Variants in SMC3 observed in about 807,000 individuals in gnomAD.
The protein encoded by SMC3 is structural maintenance of chromosomes 3, also known as structural maintenance of chromosomes protein 3.
In SMC3, 20 loss-of-function variants were observed where a neutral mutation model predicts 171.8. That is an observed-to-expected ratio of 0.12 (90% confidence interval 0.08 to 0.17). SMC3 has a LOEUF of 0.17. Ranked by LOEUF, SMC3 falls within the 10% of genes least tolerant of loss-of-function variation. The probability of loss-of-function intolerance (pLI) is 1.00; values close to 1 mark genes in which losing one functional copy is unlikely to be tolerated. For synonymous variants in SMC3, 464 were observed against 451.1 expected (o/e 1.03, Z -0.36); for missense variants, 543 against 1,420.4 (o/e 0.38, Z 9.93).
chr10:110,602,412 T>C (rs1861401083), intron 25 of SMC3, 62 bp from the exon 26 acceptor site: 3 of 1,332,162 alleles, frequency 2.3e-6, no homozygotes, highest in Non-Finnish European at 3.2e-6. Context: ...TTTAAATATT[T>C]TACTTAAGTG....
chr10:110,568,931 TTAC>T lies in SMC3; in HGVS notation c.16-4_16-2del. On this transcript the variant is annotated splice_region_variant and splice_polypyrimidine_tract_variant and intron_variant, in intron 1 of 28. Transcript: ENST00000361804. ...GTGGGTTCTCAAAAATGTTTTTTAT[TTAC>T]TAGGTGATTATCCAGGGTTTTCGAA... 8 of 1,556,996 alleles carry T rather than the reference TTAC, an allele frequency of 5.1e-6. No homozygotes were observed. Among genetic ancestry groups the T allele is most frequent in the Non-Finnish European group, 7.1e-6 (8 of 1,128,204 alleles).
chr10:110,582,355 CTTGTAG>C lies in SMC3; in HGVS notation c.724-199_724-194del, dbSNP rs61351050. Among the ~76,000 whole-genome samples the C allele has an allele frequency of 0.73, 111,071 of 151,168 alleles. 42,038 individuals carry two copies. Among genetic ancestry groups the C allele is most frequent in the Non-Finnish European group, 0.84 (56,909 of 67,646 alleles). The stretch of plus-strand genomic sequence containing the variant: ...GAGAGGAAAGCCATTTTGAAGGCTT[CTTGTAG>C]TTGTAGTATATCCTAAACTACACAT... On this transcript the variant is annotated intron_variant, in intron 9 of 28. Transcript: ENST00000361804.
Position 110,567,769 on chromosome 10 carries a change from G to A in SMC3, c.-48G>A. On this transcript the variant is annotated 5_prime_UTR_variant, in exon 1 of 29. Coordinates refer to ENST00000361804, the MANE Select transcript of SMC3 (RefSeq NM_005445.4). ...GCCTCACCTGACCCTGCGGCCGTGC[G>A]GTTGCTGCTCCGGGGCAGGTCTCCT... The A allele has an allele frequency of 3.1e-6, 5 of 1,612,520 alleles. No individual in the cohort carries two copies. Among genetic ancestry groups the A allele is most frequent in the East Asian group, 2.2e-5 (1 of 44,854 alleles).
At chr10:110,569,623 C>T (rs1036153792) in intron 2 of SMC3, among the ~76,000 whole-genome samples, 4 of 151,730 alleles carry the variant, frequency 2.6e-5, no homozygotes, top group African/African-American at 9.7e-5. Flanking sequence ...CCTAGTATAA[C>T]AACAACGAAA....
chr10:110,582,931 G>GGTT (rs1861054280), intron 10 of SMC3, among the ~76,000 whole-genome samples: 1 of 136,282 alleles, frequency 7.3e-6, no homozygotes, highest in African/African-American at 2.8e-5. Flanking sequence ...GCCTCCTGAA[G>GGTT]TTTTTTTTTT....
At chr10:110,590,821 G>T (rs771544376) in intron 16 of SMC3, among the ~76,000 whole-genome samples, 170 bp from the exon 17 acceptor site, 2 of 152,054 alleles carry the variant, frequency 1.3e-5, no homozygotes, top group Non-Finnish European at 2.9e-5. Context: ...AAAATTATTT[G>T]GATTATATAG....
At chr10:110,575,297 T>G (rs1417827682) in intron 3 of SMC3, 39 bp from the exon 4 acceptor site, 1 of 1,516,974 alleles carries the variant, frequency 6.6e-7, no homozygotes, top group Non-Finnish European at 9.2e-7. Flanking sequence ...TTATAAACAC[T>G]TTTTTAGGGT....
intron 23 of SMC3, 32 bp downstream of exon 23, chr10:110,601,162 A>T (rs370404646): frequency 6.1e-6 from 9 of 1,469,828 alleles, no homozygotes; most frequent in Non-Finnish European, 8.6e-6. Flanking sequence ...TTTTGTTTAT[A>T]TGCATGTTTT....
intron 2 of SMC3, among the ~76,000 whole-genome samples, chr10:110,569,641 TC>T (rs1185173820): frequency 2.0e-5 from 3 of 151,894 alleles, no homozygotes; most frequent in Non-Finnish European, 4.4e-5. Context: ...AAAAAAAAAA[TC>T]CCAGTTGTGG....
chr10:110,576,343 G>A (rs1564788589), intron 4 of SMC3, among the ~76,000 whole-genome samples: 1 of 152,180 alleles, frequency 6.6e-6, no homozygotes, highest in Non-Finnish European at 1.5e-5. Context: ...TGTGAGTTAG[G>A]ATATTTTATT....
intron 13 of SMC3, among the ~76,000 whole-genome samples, chr10:110,585,077 A>AT (rs1431184548): frequency 6.6e-6 from 1 of 151,958 alleles, no homozygotes; most frequent in East Asian, 1.9e-4. Flanking sequence ...CAATGGCGCA[A>AT]TTTCGGCTCA....
chr10:110,581,098 A>C lies in SMC3; in HGVS notation c.547+77A>C, dbSNP rs980885571. On this transcript the variant is annotated intron_variant, in intron 8 of 28. Coordinates refer to ENST00000361804, the MANE Select transcript of SMC3 (RefSeq NM_005445.4). ...GTGACAGAGTGGCTCCATGATGGGA[A>C]TATAGTAGGTGTTTAGTATATGACA... 4 of 814,648 alleles carry C rather than the reference A, an allele frequency of 4.9e-6. No individual in the cohort carries two copies. In the African/African-American group the frequency reaches 6.7e-5, roughly 14 times the overall value. 50.5% of individuals were successfully genotyped at this position (814,648 alleles called of 1,614,324 possible). A position where few individuals can be genotyped will look rare whatever the true frequency, so the allele number is the denominator to read the frequency against.
At chr10:110,587,363 AAAAC>A (rs1292206863) in intron 13 of SMC3, among the ~76,000 whole-genome samples, 8 of 152,178 alleles carry the variant, frequency 5.3e-5, no homozygotes, top group African/African-American at 1.9e-4. Flanking sequence ...CACCTGGAAA[AAAAC>A]AAAGTATGTA....
chr10:110,590,115 T>C, intron 15 of SMC3, 124 bp downstream of exon 15: 1 of 774,994 alleles, frequency 1.3e-6, no homozygotes, highest in Non-Finnish European at 2.2e-6. Context: ...GTCCAAATTA[T>C]CTTCTAAATA....
chr10:110,600,396 T>A (rs771981444), intron 21 of SMC3, 43 bp from the exon 22 acceptor site: 1 of 941,160 alleles, frequency 1.1e-6, no homozygotes, highest in South Asian at 1.3e-5. Flanking sequence ...TTCCTGTGTG[T>A]GAAATGTACA....
chr10:110,599,754 G>A lies in SMC3; in HGVS notation c.2369G>A (p.Ser790Asn). The change falls in exon 21 of 29, where the codon AGT becomes AAT. Residue 790 changes from serine to asparagine, a missense_variant. By Grantham distance (46) the Ser-to-Asn change is conservative. Coordinates refer to ENST00000361804, the MANE Select transcript of SMC3 (RefSeq NM_005445.4). ...GGAACTGATTTGCTTTCTCAACTGA[G>A]TTTGGAAGATCAGAAGAGAGTAGAT... ...ELGTDLLSQL[S>N]LEDQKRVDAL... is the part of the protein sequence containing the mutation. The A allele has an allele frequency of 6.2e-7, 1 of 1,614,106 alleles. No individual in the cohort carries two copies. Among genetic ancestry groups the A allele is most frequent in the Non-Finnish European group, 8.5e-7 (1 of 1,179,998 alleles).
intron 23 of SMC3, 93 bp from the exon 24 acceptor site, chr10:110,601,544 T>C (rs371550379): frequency 3.0e-6 from 4 of 1,349,058 alleles, no homozygotes; most frequent in Non-Finnish European, 1.0e-6. Flanking sequence ...ACCTAAAACC[T>C]ATTTTGGTAG....
At chr10:110,575,612 A>C (rs1176402775) in intron 4 of SMC3, among the ~76,000 whole-genome samples, 2 of 152,236 alleles carry the variant, frequency 1.3e-5, no homozygotes, top group Non-Finnish European at 2.9e-5. Flanking sequence ...GTTTAGGAGA[A>C]AATTATAGGA....
At chr10:110,567,925 G>A in intron 1 of SMC3, 94 bp downstream of exon 1, 2 of 1,428,232 alleles carry the variant, frequency 1.4e-6, no homozygotes, top group Non-Finnish European at 2.0e-6. Flanking sequence ...CCTCTCCCCT[G>A]TCTCCACAGG....
Sources: allele counts gnomAD v4.1 joint callset (sites outside exome capture counted in the v4.1 genomes callset), GRCh38; gene constraint gnomAD v4.1.1; transcripts MANE v1.5; gene names NCBI Gene and HGNC (gene_info 2026-07-23, HGNC 2026-07-21).